Variants in HDAC4 observed in about 807,000 individuals in gnomAD.
HDAC4 encodes the protein histone deacetylase A.
A neutral mutation model predicts 135.1 loss-of-function variants in HDAC4; 16 were observed. The ratio of observed to expected loss-of-function variants is 0.12; its 90% confidence interval spans 0.08 to 0.18. The LOEUF is 0.18. Among genes scored for constraint, HDAC4 ranks in the 10% least tolerant of loss-of-function variants. The pLI is 1.00. For synonymous variants in HDAC4, 685 were observed against 653.4 expected, an observed-to-expected ratio of 1.05 and a Z score of -0.74; for missense variants, 1,143 against 1,511.8, an observed-to-expected ratio of 0.76 and a Z score of 4.05.
At chr2:239,291,173 C>T (rs182587327) in intron 2 of HDAC4, among the ~76,000 whole-genome samples, 4 of 152,334 alleles carry the variant, frequency 2.6e-5, no homozygotes, top group East Asian at 1.9e-4. Flanking sequence ...CTTGTTCAGC[C>T]CCCTTTTGAC....
chr2:239,361,229 A>G (rs1200636989), intron 1 of HDAC4, among the ~76,000 whole-genome samples: 1 of 152,194 alleles, frequency 6.6e-6, no homozygotes, highest in East Asian at 1.9e-4. Context: ...AAAACTGTGA[A>G]CTGAATGAAC....
rs1406607009 is a variant in HDAC4, at chr2:239,068,931, C to G, written c.2751-324G>C. Reference sequence around the variant, plus strand: ...TGGTGAGAGGGAGTCACGGTGCAAGCCAGCAAGCCCCACTGCACTTGCTTG... The same window carrying G: ...TGGTGAGAGGGAGTCACGGTGCAAGGCAGCAAGCCCCACTGCACTTGCTTG... On this transcript the variant is annotated intron_variant, in intron 22 of 26. Transcript: ENST00000543185. This position sits in a 1 kb window ranked among gnomAD's most constrained non-coding sequence, Gnocchi z 4.4. 2.3e-5 allele frequency: 4 copies of G among 170,620 alleles called. No homozygotes were observed. The highest frequency in any genetic ancestry group is 2.0e-3 in the Middle Eastern group (1 of 504). 10.6% of individuals were successfully genotyped at this position (170,620 alleles called of 1,614,324 possible).
Position 239,222,697 on chromosome 2 carries a change from A to G in HDAC4, c.94+13896T>C, listed in dbSNP as rs979190004. Among the ~76,000 whole-genome samples, 3 of 152,250 alleles carry G rather than the reference A, an allele frequency of 2.0e-5. No homozygotes were observed. The South Asian group carries it at 6.2e-4, about 31-fold the overall frequency. Reference sequence around the variant, plus strand: ...AAAGCATTCCTGGAAAATCTTTCTAAGACTCTACAATTCCAATGCAAAAGC... The same window carrying G: ...AAAGCATTCCTGGAAAATCTTTCTAGGACTCTACAATTCCAATGCAAAAGC... On this transcript the variant is annotated intron_variant, in intron 3 of 26. Transcript: ENST00000543185.
chr2:239,097,622 G>A (rs916494625), intron 16 of HDAC4, among the ~76,000 whole-genome samples: 1 of 152,242 alleles, frequency 6.6e-6, no homozygotes, highest in Admixed American at 6.5e-5. Context: ...CGGCCTGCAC[G>A]CCGGACCCCT....
At chr2:239,113,318 GAGGAGCTGCAGC>G (rs984714632) in intron 13 of HDAC4, among the ~76,000 whole-genome samples, 3 of 152,158 alleles carry the variant, frequency 2.0e-5, no homozygotes, top group Non-Finnish European at 4.4e-5. Flanking sequence ...GAGACAGTGG[GAGGAGCTGCAGC>G]AGGAGCTGGA....
intron 2 of HDAC4, among the ~76,000 whole-genome samples, chr2:239,341,070 T>C (rs192674735): frequency 3.1e-4 from 47 of 152,356 alleles, no homozygotes; most frequent in Admixed American, 1.1e-3. Flanking sequence ...TCCTCATCTC[T>C]CTGGTTTACC....
At position 239,307,361 on chromosome 2, in the gene HDAC4, G is replaced by A. The variant is rs1215800203; in HGVS notation, c.22+45317C>T. Among the ~76,000 whole-genome samples the A allele has an allele frequency of 5.3e-5, 8 of 152,268 alleles. No homozygotes were observed. The East Asian group carries it at 7.8e-4, about 15-fold the overall frequency. On this transcript the variant is annotated intron_variant, in intron 2 of 26. Coordinates refer to ENST00000543185, the MANE Select transcript of HDAC4 (RefSeq NM_001378414.1). The surrounding 1 kb of genome is among the most constrained non-coding windows in gnomAD (Gnocchi z 4.8). ...GAGCCGGAGGCCCCAACACAAGAGC[G>A]GCTCTCCGTGATGCCCAGAGGCGGC... is the stretch of plus-strand genomic sequence containing the variant.
chr2:239,337,837 G>A (rs1383694673), intron 2 of HDAC4, among the ~76,000 whole-genome samples: 1 of 152,282 alleles, frequency 6.6e-6, no homozygotes, highest in East Asian at 1.9e-4. Context: ...CAGAATAAAT[G>A]AGCGGACTGG....
intron 2 of HDAC4, among the ~76,000 whole-genome samples, chr2:239,348,191 G>A (rs1029374994): frequency 1.5e-4 from 21 of 142,674 alleles, no homozygotes; most frequent in African/African-American, 3.5e-4. Context: ...GCACCATCCC[G>A]CTGACCACAG....
At chr2:239,394,581 C>A (rs1356587003) in intron 1 of HDAC4, among the ~76,000 whole-genome samples, 1 of 152,238 alleles carries the variant, frequency 6.6e-6, no homozygotes, top group Admixed American at 6.5e-5. Flanking sequence ...TCACAGAATT[C>A]CCTCCACTTG....
chr2:239,366,221 CAG>C (rs1489663402), intron 1 of HDAC4, among the ~76,000 whole-genome samples: 1 of 150,914 alleles, frequency 6.6e-6, no homozygotes, highest in East Asian at 2.0e-4. Flanking sequence ...GCAGGGTTGT[CAG>C]GGTCACGCGT....
chr2:239,201,744 G>A (rs1042901758), intron 3 of HDAC4, among the ~76,000 whole-genome samples: 1 of 152,152 alleles, frequency 6.6e-6, no homozygotes, highest in Non-Finnish European at 1.5e-5. Context: ...AGATGGAAAC[G>A]ACACATTCCT....
At chr2:239,211,857 C>G (rs2046367790) in intron 3 of HDAC4, among the ~76,000 whole-genome samples, 1 of 152,192 alleles carries the variant, frequency 6.6e-6, no homozygotes, top group African/African-American at 2.4e-5. Context: ...AGGACAAAAA[C>G]AAACAATCCA....
rs922095408 is a variant in HDAC4, at chr2:239,068,117, C to T, written c.2869+372G>A. Among the ~76,000 whole-genome samples, 2 of 152,148 alleles carry T rather than the reference C, an allele frequency of 1.3e-5. No homozygotes were observed. The highest frequency in any genetic ancestry group is 1.3e-4 in the Admixed American group (2 of 15,280). On this transcript the variant is annotated intron_variant, in intron 23 of 26. Transcript: ENST00000543185. This position sits in a 1 kb window ranked among gnomAD's most constrained non-coding sequence, Gnocchi z 4.4. ...CTGTGCCCCCAGCAACTTCCCTTTA[C>T]AGTTCCAAGGAGCACCGCCTGCCAG...
chr2:239,113,700 A>T (rs1439513321), intron 13 of HDAC4, among the ~76,000 whole-genome samples: 1 of 152,192 alleles, frequency 6.6e-6, no homozygotes, highest in African/African-American at 2.4e-5. Context: ...AGCACACTGA[A>T]TTTCAGATCT....
chr2:239,061,136 G>C (rs1045173318), intron 24 of HDAC4, among the ~76,000 whole-genome samples: 2 of 148,360 alleles, frequency 1.3e-5, no homozygotes, highest in Admixed American at 1.3e-4. Context: ...GTGTGACTGA[G>C]TGTGAGTGTG....
rs1413899828 is a variant in HDAC4 at position 239,400,322 on chromosome 2, G to GCCGGCCCCGGCGCCCGC, written c.-220+639_-220+655dup. On this transcript the variant is annotated intron_variant, in intron 1 of 26. Coordinates refer to ENST00000543185, the MANE Select transcript of HDAC4 (RefSeq NM_001378414.1). The surrounding 1 kb of genome is among the most constrained non-coding windows in gnomAD (Gnocchi z 4.7). ...GACAAAGTTACATAAACGGCGCCCG[G>GCCGGCCCCGGCGCCCGC]CCGGCCCCGGCGCCCGCCCGCCCCC... 2 of 149,540 alleles carry GCCGGCCCCGGCGCCCGC rather than the reference G, an allele frequency of 1.3e-5. No homozygotes were observed. Among genetic ancestry groups the GCCGGCCCCGGCGCCCGC allele is most frequent in the Non-Finnish European group, 1.5e-5 (1 of 66,966 alleles). 9.3% of individuals were successfully genotyped at this position (149,540 alleles called of 1,614,324 possible). A position where few individuals can be genotyped will look rare whatever the true frequency, so the allele number is the denominator to read the frequency against.
chr2:239,109,683 A>G (rs987610068), intron 14 of HDAC4, among the ~76,000 whole-genome samples: 1 of 151,702 alleles, frequency 6.6e-6, no homozygotes, highest in Non-Finnish European at 1.5e-5. Flanking sequence ...CAATCAGTAC[A>G]CTGTGTGTGG....
intron 3 of HDAC4, among the ~76,000 whole-genome samples, chr2:239,227,409 C>G (rs2047303299): frequency 6.6e-6 from 1 of 152,188 alleles, no homozygotes; most frequent in Non-Finnish European, 1.5e-5. Context: ...AGGGGCTAAG[C>G]AGCCTGCTGG....
Sources: allele counts gnomAD v4.1 joint callset (sites outside exome capture counted in the v4.1 genomes callset), GRCh38; gene constraint gnomAD v4.1.1; non-coding constraint Gnocchi (gnomAD v3.1); transcripts MANE v1.5; gene names NCBI Gene and HGNC (gene_info 2026-07-23, HGNC 2026-07-21).